SERPINB7: variants seen among roughly 807,000 people sequenced by gnomAD.
SERPINB7 encodes the protein serpin B7.
Under a neutral mutation model 37.4 loss-of-function variants are expected in SERPINB7, and 31 were observed. The observed-to-expected ratio is 0.83, with a 90% CI of 0.62 to 1.12. The LOEUF (loss-of-function observed/expected upper bound fraction) is 1.12, where lower values mean the gene tolerates loss of function less well. SERPINB7 is among the 50% of genes most tolerant of loss of function. The probability of loss-of-function intolerance (pLI) is 0.00; values close to 1 mark genes in which losing one functional copy is unlikely to be tolerated. For missense variants in SERPINB7, 521 were observed against 455.3 expected (o/e 1.14, Z -1.31); for synonymous variants, 163 against 166.1 (o/e 0.98, Z 0.14).
Position 63,804,772 on chromosome 18 carries a change from C to A in SERPINB7, c.*137C>A. ...TCCTAACATTGGTCAGCAGATGACA[C>A]TGGTGACTTGACCCTTCCTAGACAC... On this transcript the variant is annotated 3_prime_UTR_variant, in exon 8 of 8. Transcript: ENST00000398019. 1.1e-6 allele frequency: 1 copy of A among 879,776 alleles called. No individual in the cohort carries two copies. Among genetic ancestry groups the A allele is most frequent in the Non-Finnish European group, 1.7e-6 (1 of 587,226 alleles). The allele number at this position is 879,776 out of a possible 1,614,324, so 54.5% of individuals were successfully genotyped here. A position where few individuals can be genotyped will look rare whatever the true frequency, so the allele number is the denominator to read the frequency against.
At chr18:63,762,301 C>T (rs533289053) in intron 1 of SERPINB7, among the ~76,000 whole-genome samples, 3 of 152,296 alleles carry the variant, frequency 2.0e-5, no homozygotes, top group Admixed American at 1.3e-4. Context: ...AAATTAATTC[C>T]ACTACACTTA....
intron 1 of SERPINB7, among the ~76,000 whole-genome samples, chr18:63,765,944 T>C (rs140230127): frequency 2.0e-5 from 3 of 152,264 alleles, no homozygotes; most frequent in African/African-American, 7.2e-5. Flanking sequence ...GTCTTGCCGT[T>C]AGTGGCTCAA....
Position 63,798,587 on chromosome 18 carries a change from A to AT in SERPINB7, c.455-17_455-16insT. ...ATATTAAAATAAACATTTTTCCCTCAATTTTTTTTTCAAAAGGCAAAATCA... is the reference window on the plus strand; with the variant it reads ...ATATTAAAATAAACATTTTTCCCTCATATTTTTTTTTCAAAAGGCAAAATCA... On this transcript the variant is annotated splice_polypyrimidine_tract_variant and intron_variant, in intron 5 of 7. Transcript: ENST00000398019. The AT allele has an allele frequency of 1.3e-6, 2 of 1,515,558 alleles. No homozygotes were observed. The highest frequency in any genetic ancestry group is 1.7e-5 in the African/African-American group (1 of 58,552). 93.9% of individuals were successfully genotyped at this position (1,515,558 alleles called of 1,614,324 possible).
At chr18:63,793,408 A>G in intron 4 of SERPINB7, 131 bp downstream of exon 4, 1 of 476,202 alleles carries the variant, frequency 2.1e-6, no homozygotes, top group South Asian at 3.9e-5. Context: ...ATGTTCTCAG[A>G]TGTCTTGAAT....
chr18:63,756,804 T>TGTGTGTGTGTG (rs2049124615), intron 1 of SERPINB7, among the ~76,000 whole-genome samples: 1 of 137,264 alleles, frequency 7.3e-6, no homozygotes, highest in East Asian at 2.2e-4. Context: ...TTGGGGTAGC[T>TGTGTGTGTGTG]TGTGTGTGTG....
intron 2 of SERPINB7, among the ~76,000 whole-genome samples, chr18:63,783,774 C>T (rs2049337347): frequency 6.6e-6 from 1 of 152,206 alleles, no homozygotes. Context: ...CTGTGCCCAC[C>T]TCTTGCCCCA....
intron 1 of SERPINB7, among the ~76,000 whole-genome samples, chr18:63,770,363 C>T (rs940202867): frequency 6.6e-6 from 1 of 151,772 alleles, no homozygotes; most frequent in African/African-American, 2.4e-5. Context: ...AGATTCCTGG[C>T]CAGTCTTCCT....
rs2049386341 is a variant in SERPINB7 at position 63,787,701 on chromosome 18, A to T, written c.169-4692A>T. Reference sequence around the variant, plus strand: ...CAAAAACCAAAAAAGAATTGCAGGGAGTTGTTAAAAAGTTACAGTCTGTCT... The same window carrying T: ...CAAAAACCAAAAAAGAATTGCAGGGTGTTGTTAAAAAGTTACAGTCTGTCT... On this transcript the variant is annotated intron_variant, in intron 2 of 7. Transcript: ENST00000398019. Among the ~76,000 whole-genome samples the T allele has an allele frequency of 2.0e-5, 3 of 152,194 alleles. No individual in the cohort carries two copies. The South Asian group carries it at 6.2e-4, about 31-fold the overall frequency.
At chr18:63,798,217 AGTAGCAAAAG>A (rs2049508556) in intron 5 of SERPINB7, among the ~76,000 whole-genome samples, 2 of 152,360 alleles carry the variant, frequency 1.3e-5, no homozygotes, top group South Asian at 4.1e-4. Flanking sequence ...GAAGTACTGT[AGTAGCAAAAG>A]GTGGCCTAGT....
intron 1 of SERPINB7, 70 bp from the exon 2 acceptor site, chr18:63,782,285 A>C (rs1035083239): frequency 3.1e-6 from 3 of 970,246 alleles, no homozygotes; most frequent in Admixed American, 7.4e-5. Context: ...TAAAAAATAA[A>C]TAAATCTAAA....
chr18:63,765,217 CTT>C (rs2049174376), intron 1 of SERPINB7, among the ~76,000 whole-genome samples: 1 of 152,130 alleles, frequency 6.6e-6, no homozygotes, highest in Admixed American at 6.6e-5. Flanking sequence ...GTTACAAACT[CTT>C]GTTCAATTAC....
intron 1 of SERPINB7, among the ~76,000 whole-genome samples, chr18:63,761,664 G>A (rs891139610): frequency 2.6e-5 from 4 of 152,132 alleles, no homozygotes; most frequent in African/African-American, 7.2e-5. Context: ...TCTTTCCTGT[G>A]CTATTCTCGT....
intron 1 of SERPINB7, among the ~76,000 whole-genome samples, chr18:63,757,404 C>G (rs888232397): frequency 6.6e-6 from 1 of 152,092 alleles, no homozygotes; most frequent in Non-Finnish European, 1.5e-5. Flanking sequence ...AAGAGAGATG[C>G]TAATTTGCTA....
upstream of SERPINB7, among the ~76,000 whole-genome samples, chr18:63,770,506 C>CATT (rs998660789): frequency 1.7e-4 from 26 of 151,612 alleles, no homozygotes; most frequent in Non-Finnish European, 3.7e-4. Context: ...AAGCTATTGT[C>CATT]ATTATTATTA....
intron 2 of SERPINB7, among the ~76,000 whole-genome samples, chr18:63,788,889 A>G (rs560182878): frequency 6.6e-6 from 1 of 152,334 alleles, no homozygotes; most frequent in Admixed American, 6.5e-5. Flanking sequence ...CAAGTTGTAT[A>G]GTAGGCCATA....
chr18:63,778,561 G>C (rs943257045), intron 1 of SERPINB7, among the ~76,000 whole-genome samples: 1 of 152,050 alleles, frequency 6.6e-6, no homozygotes, highest in Non-Finnish European at 1.5e-5. Context: ...TATCAGTTAG[G>C]TGTAATAAGT....
chr18:63,770,912 C>T (rs991029710), upstream of SERPINB7, among the ~76,000 whole-genome samples: 4 of 151,934 alleles, frequency 2.6e-5, no homozygotes, highest in Non-Finnish European at 4.4e-5. Context: ...CACTCACACA[C>T]TCACACAGAG....
chr18:63,778,625 C>T (rs547077949), intron 1 of SERPINB7, among the ~76,000 whole-genome samples: 1 of 151,912 alleles, frequency 6.6e-6, no homozygotes, highest in African/African-American at 2.4e-5. Context: ...GTGTTTTGTG[C>T]CTGAATTTTC....
intron 1 of SERPINB7, among the ~76,000 whole-genome samples, chr18:63,765,793 A>T (rs1205664019): frequency 6.6e-6 from 1 of 152,142 alleles, no homozygotes; most frequent in African/African-American, 2.4e-5. Context: ...CTCTTTCTAG[A>T]AACCGATTTT....
Sources: gnomAD v4.1 joint callset for allele counts (sites outside exome capture counted in the v4.1 genomes callset) on GRCh38, gnomAD v4.1.1 for gene constraint, MANE v1.5 for transcripts, NCBI Gene and HGNC (gene_info 2026-07-23, HGNC 2026-07-21) for gene names.